The following LOC128092253 variants were observed in gnomAD, a reference collection of about 807,000 sequenced individuals.
the LOC128092253 span, among the ~76,000 whole-genome samples, chr6:133,978,116 C>T: frequency 6.6e-6 from 1 of 152,066 alleles, no homozygotes; most frequent in Non-Finnish European, 1.5e-5. Flanking sequence ...ATTATGAAGG[C>T]AAGGTGGAAT....
chr6:133,970,094 C>G, the LOC128092253 span, among the ~76,000 whole-genome samples: 1 of 152,172 alleles, frequency 6.6e-6, no homozygotes, highest in African/African-American at 2.4e-5. Context: ...GGGAGCCCAC[C>G]ACTTTGCAGT....
chr6:133,960,377 G>A, the LOC128092253 span, among the ~76,000 whole-genome samples: 15 of 150,136 alleles, frequency 1.0e-4, no homozygotes, highest in African/African-American at 3.7e-4. Context: ...ATGGAAATCT[G>A]TAGGTCTCAG....
the LOC128092253 span, among the ~76,000 whole-genome samples, chr6:133,957,352 C>A: frequency 2.0e-5 from 3 of 152,158 alleles, no homozygotes; most frequent in Non-Finnish European, 4.4e-5. Context: ...ACAGAGTTTT[C>A]TTAGGACATA....
chr6:133,961,465 C>CTTTTTTTT, the LOC128092253 span, among the ~76,000 whole-genome samples: 85 of 100,186 alleles, frequency 8.5e-4, no homozygotes, highest in Non-Finnish European at 1.1e-3. Flanking sequence ...TTCTTTCTTT[C>CTTTTTTTT]TTTTTTTTTT....
At chr6:133,954,238 G>A in the LOC128092253 span, among the ~76,000 whole-genome samples, 1 of 152,222 alleles carries the variant, frequency 6.6e-6, no homozygotes, top group Non-Finnish European at 1.5e-5. Flanking sequence ...GTTCCAAAGC[G>A]ACACTGGCAG....
chr6:133,962,391 AC>A, the LOC128092253 span, among the ~76,000 whole-genome samples: 2 of 152,178 alleles, frequency 1.3e-5, no homozygotes, highest in Non-Finnish European at 2.9e-5. Context: ...CTAAAATAAA[AC>A]GTTGCTTTGG....
At chr6:133,970,528 G>A in the LOC128092253 span, among the ~76,000 whole-genome samples, 1 of 151,944 alleles carries the variant, frequency 6.6e-6, no homozygotes, top group Non-Finnish European at 1.5e-5. Flanking sequence ...AAATTATTAT[G>A]GAAACTTTTA....
the LOC128092253 span, chr6:133,980,058 A>G: frequency 7.3e-7 from 1 of 1,376,478 alleles, no homozygotes; most frequent in Non-Finnish European, 9.5e-7. Flanking sequence ...AAGTTTAATG[A>G]CTTTATTTTG....
At chr6:133,957,781 C>T in the LOC128092253 span, among the ~76,000 whole-genome samples, 1 of 152,224 alleles carries the variant, frequency 6.6e-6, no homozygotes, top group African/African-American at 2.4e-5. Flanking sequence ...GGAGTTAATA[C>T]TACTACTACG....
the LOC128092253 span, among the ~76,000 whole-genome samples, chr6:133,969,917 A>G: frequency 6.6e-6 from 1 of 152,242 alleles, no homozygotes; most frequent in Admixed American, 6.5e-5. Flanking sequence ...TCTAGAATGT[A>G]TCTTCATCTA....
At chr6:133,976,539 T>G in the LOC128092253 span, among the ~76,000 whole-genome samples, 6 of 152,190 alleles carry the variant, frequency 3.9e-5, no homozygotes, top group African/African-American at 1.4e-4. Context: ...TTTTCTTGTT[T>G]TAATTTAAAC....
At chr6:133,966,369 T>A in the LOC128092253 span, among the ~76,000 whole-genome samples, 1 of 152,210 alleles carries the variant, frequency 6.6e-6, no homozygotes, top group African/African-American at 2.4e-5. Flanking sequence ...ACATTACCAT[T>A]GACCAAATGG....
At chr6:133,964,034 G>C in the LOC128092253 span, among the ~76,000 whole-genome samples, 21,799 of 152,008 alleles carry the variant, frequency 0.14, 2,019 homozygotes, top group African/African-American at 0.27. Context: ...GAGCAAGACT[G>C]CGTCTCAAAA....
At chr6:133,976,825 A>C in the LOC128092253 span, among the ~76,000 whole-genome samples, 1 of 152,096 alleles carries the variant, frequency 6.6e-6, no homozygotes. Context: ...TGTCTCTACT[A>C]AAAATACAAA....
the LOC128092253 span, among the ~76,000 whole-genome samples, chr6:133,957,925 TTTG>T: frequency 5.3e-5 from 8 of 152,234 alleles, no homozygotes; most frequent in Non-Finnish European, 7.3e-5. Flanking sequence ...ACTTGGATGC[TTTG>T]TTTCTTTGGT....
At chr6:133,959,299 C>T in the LOC128092253 span, among the ~76,000 whole-genome samples, 50 of 152,124 alleles carry the variant, frequency 3.3e-4, no homozygotes, top group Admixed American at 4.6e-4. Flanking sequence ...CTCAGCCTCC[C>T]GGAGTGCTGG....
the LOC128092253 span, among the ~76,000 whole-genome samples, chr6:133,954,118 C>T: frequency 7.9e-5 from 12 of 152,324 alleles, no homozygotes; most frequent in African/African-American, 2.2e-4. Context: ...AAGAAAATCT[C>T]TCCTGCCGAG....
chr6:133,972,123 TG>T, the LOC128092253 span, among the ~76,000 whole-genome samples: 10 of 152,214 alleles, frequency 6.6e-5, no homozygotes, highest in African/African-American at 2.4e-4. Flanking sequence ...TCAATGTATT[TG>T]TTACTGAGTT....
chr6:133,963,418 T>C, the LOC128092253 span, among the ~76,000 whole-genome samples: 2 of 152,298 alleles, frequency 1.3e-5, no homozygotes, highest in South Asian at 2.1e-4. Context: ...TCTGTTGTTT[T>C]GTCTTTTGGT....
Sources: gnomAD v4.1 joint callset for allele counts (sites outside exome capture counted in the v4.1 genomes callset) on GRCh38, gnomAD v4.1.1 for gene constraint, MANE v1.5 for transcripts.